Variants in ADGRE5 observed in about 807,000 individuals in gnomAD.
The protein encoded by ADGRE5 is CD97 molecule.
Under a neutral mutation model 100.3 loss-of-function variants are expected in ADGRE5, and 72 were observed. The ratio of observed to expected loss-of-function variants is 0.72; its 90% CI spans 0.59 to 0.87. The LOEUF is 0.87. ADGRE5 is among the 40% of genes least tolerant of loss of function. The pLI is 0.00. For synonymous variants in ADGRE5, 439 were observed against 447.8 expected (o/e 0.98, Z 0.25); for missense variants, 959 against 1,094.7 (o/e 0.88, Z 1.75).
intron 13 of ADGRE5, chr19:14,404,820 C>T: frequency 6.6e-6 from 3 of 452,078 alleles, no homozygotes; most frequent in Non-Finnish European, 1.2e-5. Flanking sequence ...GAGATGTCAA[C>T]TAAAAGCTCC....
At chr19:14,391,449 T>C (rs1975599617) in intron 4 of ADGRE5, 1 of 226,120 alleles carries the variant, frequency 4.4e-6, no homozygotes, top group Non-Finnish European at 8.8e-6. Flanking sequence ...GACCAGCCCA[T>C]AGCAACATAG....
In ADGRE5 at chr19:14,408,652, G is replaced by A. The variant is rs1032917177; in HGVS notation, c.*531G>A. 1.8e-5 allele frequency: 9 copies of A among 501,098 alleles called. No homozygotes were observed. Among genetic ancestry groups the A allele is most frequent in the South Asian group, 3.5e-5 (1 of 28,284 alleles). 31.0% of individuals were successfully genotyped at this position (501,098 alleles called of 1,614,324 possible). On this transcript the variant is annotated 3_prime_UTR_variant, in exon 20 of 20. Transcript: ENST00000242786. The stretch of plus-strand genomic sequence containing the variant: ...TCTCACTGTTGTGAAGGTTGTAGAC[G>A]TTGTGTAATGTGTTTTTATCTGTTA...
In ADGRE5 at chr19:14,408,199, C is replaced by A; in HGVS notation, c.*78C>A. On this transcript the variant is annotated 3_prime_UTR_variant, in exon 20 of 20. Coordinates refer to ENST00000242786, the MANE Select transcript of ADGRE5 (RefSeq NM_078481.4). ...ACACGAAGACCATCCATCCTCCCTT[C>A]GTCCACCACTCTACTCCCTCCACCC... 6.8e-7 allele frequency: 1 copy of A among 1,472,268 alleles called. No homozygotes were observed. The highest frequency in any genetic ancestry group is 9.4e-7 in the Non-Finnish European group (1 of 1,062,780). The allele number at this position is 1,472,268 out of a possible 1,614,324, so 91.2% of individuals were successfully genotyped here.
At chr19:14,383,488 G>A (rs1599606572) in intron 1 of ADGRE5, among the ~76,000 whole-genome samples, 1 of 152,258 alleles carries the variant, frequency 6.6e-6, no homozygotes, top group South Asian at 2.1e-4. Flanking sequence ...CTGGGTGACA[G>A]TGAGACCCTG....
chr19:14,404,698 C>G, intron 13 of ADGRE5, 136 bp downstream of exon 13: 1 of 776,158 alleles, frequency 1.3e-6, no homozygotes, highest in Admixed American at 3.0e-5. Flanking sequence ...GGTGTCCCCA[C>G]GTCACACCCT....
At chr19:14,398,328 GCACA>G in intron 9 of ADGRE5, 189 bp downstream of exon 9, 2 of 584,754 alleles carry the variant, frequency 3.4e-6, no homozygotes, top group Non-Finnish European at 6.2e-6. Flanking sequence ...ACACACGCAT[GCACA>G]CACACACACC....
At chr19:14,398,728 T>TCCC (rs1568314948) in intron 9 of ADGRE5, among the ~76,000 whole-genome samples, 1 of 142,646 alleles carries the variant, frequency 7.0e-6, no homozygotes, top group African/African-American at 2.6e-5. Flanking sequence ...GAAGTTCAAA[T>TCCC]CCCCCCATTG....
Position 14,398,145 on chromosome 19 carries a change from G to T in ADGRE5, c.897+6G>T, listed in dbSNP as rs1975856485. The T allele has an allele frequency of 6.2e-7, 1 of 1,613,992 alleles. No individual in the cohort carries two copies. The highest frequency in any genetic ancestry group is 1.3e-5 in the African/African-American group (1 of 75,034). On this transcript the variant is annotated splice_donor_region_variant and intron_variant, in intron 9 of 19. Coordinates refer to ENST00000242786, the MANE Select transcript of ADGRE5 (RefSeq NM_078481.4). ...CAGCCGAGGTCACCATCCAGGTAAG[G>T]GCAGGATGCTGGGGGACCCCAGGAC...
intron 3 of ADGRE5, among the ~76,000 whole-genome samples, chr19:14,389,844 G>A (rs991241204): frequency 4.7e-5 from 7 of 150,532 alleles, no homozygotes; most frequent in South Asian, 2.1e-4. Context: ...CAAGGCGGGC[G>A]GATCACCTGA....
intron 3 of ADGRE5, 63 bp downstream of exon 3, chr19:14,388,881 G>C: frequency 4.1e-6 from 6 of 1,462,686 alleles, no homozygotes; most frequent in Non-Finnish European, 5.8e-6. Flanking sequence ...CCAGCCAGTG[G>C]GGGACAGAGG....
chr19:14,406,830 C>T lies in ADGRE5; in HGVS notation c.2116-39C>T, dbSNP rs756084215. The T allele has an allele frequency of 3.6e-5, 58 of 1,610,368 alleles. No homozygotes were observed. Among genetic ancestry groups the T allele is most frequent in the African/African-American group, 5.3e-5 (4 of 74,846 alleles). ...ACAGGCCCAGGCCCGGCTGGACCAT[C>T]GCTCTCGCCCTCTAACCCACAATCT... is the stretch of plus-strand genomic sequence containing the variant. On this transcript the variant is annotated intron_variant, in intron 16 of 19. Transcript: ENST00000242786. This position sits in a 1 kb window ranked among gnomAD's most constrained non-coding sequence, Gnocchi z 6.0.
At chr19:14,386,312 G>A (rs1180573141) in intron 1 of ADGRE5, 1 of 147,586 alleles carries the variant, frequency 6.8e-6, no homozygotes, top group East Asian at 2.0e-4. Context: ...CCGGGAGGTG[G>A]AGCTTGCAGT....
intron 3 of ADGRE5, among the ~76,000 whole-genome samples, chr19:14,389,325 G>A (rs1426372569): frequency 3.8e-5 from 1 of 26,300 alleles, no homozygotes; most frequent in Non-Finnish European, 6.3e-5. Flanking sequence ...GGGGATGGGG[G>A]AGGGAGGGGG....
At chr19:14,393,561 T>C (rs558157104) in intron 4 of ADGRE5, among the ~76,000 whole-genome samples, 3 of 152,176 alleles carry the variant, frequency 2.0e-5, no homozygotes, top group East Asian at 3.9e-4. Flanking sequence ...TAGTGCAGGG[T>C]ACCGAGATCA....
intron 3 of ADGRE5, among the ~76,000 whole-genome samples, chr19:14,389,326 A>AAGG (rs1975500302): frequency 9.9e-5 from 1 of 10,134 alleles, no homozygotes; most frequent in African/African-American, 7.9e-4. Context: ...GGGATGGGGG[A>AAGG]GGGAGGGGGG....
At chr19:14,381,573 G>T (rs775089878) in intron 1 of ADGRE5, 28 bp downstream of exon 1, 1 of 1,594,230 alleles carries the variant, frequency 6.3e-7, no homozygotes, top group Non-Finnish European at 8.5e-7. Context: ...CCGCTGGGAG[G>T]GGCGAGGAAG....
At chr19:14,397,039 G>A in intron 5 of ADGRE5, 38 bp from the exon 6 acceptor site, 3 of 1,570,072 alleles carry the variant, frequency 1.9e-6, no homozygotes, top group Non-Finnish European at 2.6e-6. Flanking sequence ...GCCCAGGCTG[G>A]TCAGGGACAG....
Position 14,406,783 on chromosome 19 carries a change from C to T in ADGRE5, c.2115+17C>T, listed in dbSNP as rs780100765. The T allele has an allele frequency of 8.6e-5, 139 of 1,613,716 alleles. 2 individuals carry two copies. The South Asian group carries it at 1.5e-3, about 17-fold the overall frequency. ...ATCATTTTGGTAAGTACCCACTCTC[C>T]CTCCACCGAAGCCCGAGCGCCACAG... On this transcript the variant is annotated intron_variant, in intron 16 of 19. Coordinates refer to ENST00000242786, the MANE Select transcript of ADGRE5 (RefSeq NM_078481.4). This position sits in a 1 kb window ranked among gnomAD's most constrained non-coding sequence, Gnocchi z 6.0.
At position 14,402,577 on chromosome 19, in the gene ADGRE5, C is replaced by T. The variant is rs7257784; in HGVS notation, c.1184-20C>T. 4.3e-6 allele frequency: 7 copies of T among 1,612,862 alleles called. No homozygotes were observed. Among genetic ancestry groups the T allele is most frequent in the African/African-American group, 1.3e-5 (1 of 74,826 alleles). ...GGAGGAGGACAACGGGAGTAGGCAG[C>T]GAGTGTGTCTGTTCCCCAGGCCCCG... On this transcript the variant is annotated intron_variant, in intron 11 of 19. Transcript: ENST00000242786.
Sources: allele counts gnomAD v4.1 joint callset (sites outside exome capture counted in the v4.1 genomes callset), GRCh38; gene constraint gnomAD v4.1.1; non-coding constraint Gnocchi (gnomAD v3.1); transcripts MANE v1.5; gene names NCBI Gene and HGNC (gene_info 2026-07-23, HGNC 2026-07-21).